CADM2: variants seen among roughly 807,000 people sequenced by gnomAD.
CADM2 encodes the protein immunoglobulin superfamily member 4D.
Under a neutral mutation model 49.8 loss-of-function variants are expected in CADM2, and 12 were observed. The ratio of observed to expected loss-of-function variants is 0.24; its 90% CI spans 0.15 to 0.39. The LOEUF is 0.39. Ranked by LOEUF, CADM2 falls within the 10% of genes least tolerant of loss-of-function variation. CADM2 has a pLI of 1.00. For synonymous variants in CADM2, 214 were observed against 175.4 expected (o/e 1.22, Z -1.74); for missense variants, 378 against 492.3 (o/e 0.77, Z 2.20).
chr3:85,290,228 G>C (rs541851665), intron 1 of CADM2, among the ~76,000 whole-genome samples: 2 of 152,150 alleles, frequency 1.3e-5, no homozygotes, highest in African/African-American at 4.8e-5. Flanking sequence ...GCGCTTTTCC[G>C]ATCGGCTTAA....
chr3:85,531,341 A>G (rs187988641), intron 1 of CADM2, among the ~76,000 whole-genome samples: 8 of 152,254 alleles, frequency 5.3e-5, no homozygotes, highest in Admixed American at 3.3e-4. Flanking sequence ...TTGGGTTGAG[A>G]TGGTGGTTGT....
chr3:85,775,761 G>A lies in CADM2; in HGVS notation c.89-26286G>A, dbSNP rs568545258. On this transcript the variant is annotated intron_variant, in intron 2 of 9. Coordinates refer to ENST00000383699, the MANE Select transcript of CADM2 (RefSeq NM_001167675.2). ...TCTGATACAATAAACTTACTGATAT[G>A]AAAAAGGAATTATACTCTCATTTAT... Among the ~76,000 whole-genome samples the A allele has an allele frequency of 2.6e-5, 4 of 151,868 alleles. No individual in the cohort carries two copies. In the South Asian group the frequency reaches 8.3e-4, roughly 32 times the overall value.
Position 85,412,056 on chromosome 3 carries a change from G to A in CADM2, c.62-314466G>A, listed in dbSNP as rs1425579331. Among the ~76,000 whole-genome samples the A allele has an allele frequency of 3.3e-5, 5 of 152,130 alleles. No individual in the cohort carries two copies. In the East Asian group the frequency reaches 9.6e-4, roughly 29 times the overall value. ...TTGGCCAGACTGGTCTTGAACTCCTGACCTCAAGTGATCTGCCCACACTTT... is the reference window on the plus strand; with the variant it reads ...TTGGCCAGACTGGTCTTGAACTCCTAACCTCAAGTGATCTGCCCACACTTT... On this transcript the variant is annotated intron_variant, in intron 1 of 9. Transcript: ENST00000383699.
At chr3:85,520,215 A>G (rs2061000290) in intron 1 of CADM2, among the ~76,000 whole-genome samples, 1 of 151,918 alleles carries the variant, frequency 6.6e-6, no homozygotes, top group African/African-American at 2.4e-5. Flanking sequence ...TACATATGTA[A>G]TTCACAAGGA....
At chr3:85,372,919 T>C (rs2033355868) in intron 1 of CADM2, among the ~76,000 whole-genome samples, 1 of 152,058 alleles carries the variant, frequency 6.6e-6, no homozygotes, top group African/African-American at 2.4e-5. Flanking sequence ...CATGATTCTA[T>C]TACCTCACAC....
At chr3:85,753,692 A>G (rs1349513399) in intron 2 of CADM2, among the ~76,000 whole-genome samples, 4 of 152,308 alleles carry the variant, frequency 2.6e-5, no homozygotes, top group Admixed American at 2.6e-4. Context: ...GAACTAGAAC[A>G]GGTGAGTACA....
At chr3:85,030,240 C>A (rs1359884567) in intron 1 of CADM2, among the ~76,000 whole-genome samples, 1 of 152,192 alleles carries the variant, frequency 6.6e-6, no homozygotes, top group Non-Finnish European at 1.5e-5. Context: ...GTCACACAAC[C>A]TTTCCTATGT....
chr3:85,095,703 A>G (rs2037769385), intron 1 of CADM2, among the ~76,000 whole-genome samples: 2 of 152,194 alleles, frequency 1.3e-5, no homozygotes, highest in African/African-American at 2.4e-5. Flanking sequence ...GAAAATTCCT[A>G]CTAGAGAAAT....
intron 1 of CADM2, among the ~76,000 whole-genome samples, chr3:85,709,034 C>T (rs1165582362): frequency 2.6e-5 from 4 of 151,624 alleles, no homozygotes; most frequent in African/African-American, 9.7e-5. Context: ...ATAATATTCT[C>T]TTTTAGTCAG....
At chr3:85,540,876 T>G (rs2061522627) in intron 1 of CADM2, among the ~76,000 whole-genome samples, 1 of 152,154 alleles carries the variant, frequency 6.6e-6, no homozygotes, top group Admixed American at 6.6e-5. Flanking sequence ...CTTCCCACTG[T>G]GTCCTCACAT....
chr3:85,065,262 T>G (rs1425970953), intron 1 of CADM2, among the ~76,000 whole-genome samples: 1 of 152,088 alleles, frequency 6.6e-6, no homozygotes, highest in Non-Finnish European at 1.5e-5. Context: ...TAGAATCAAT[T>G]TGACTCTATA....
At chr3:85,665,788 GGCTGTAATATGATTCTC>G (rs1405579467) in intron 1 of CADM2, among the ~76,000 whole-genome samples, 1 of 151,808 alleles carries the variant, frequency 6.6e-6, no homozygotes, top group African/African-American at 2.4e-5. Flanking sequence ...CATTCACACT[GGCTGTAATATGATTCTC>G]CCGTCGTTTC....
At chr3:85,175,989 C>A (rs1576045899) in intron 1 of CADM2, among the ~76,000 whole-genome samples, 1 of 123,866 alleles carries the variant, frequency 8.1e-6, no homozygotes, top group African/African-American at 3.2e-5. Context: ...AGTGCAGTGG[C>A]GGGATCTCGG....
intron 1 of CADM2, among the ~76,000 whole-genome samples, chr3:84,966,163 G>A (rs532021782): frequency 6.6e-6 from 1 of 152,212 alleles, no homozygotes; most frequent in African/African-American, 2.4e-5. Context: ...CATCTTAGAA[G>A]CATGCAGCCT....
intron 1 of CADM2, among the ~76,000 whole-genome samples, chr3:84,966,233 CA>C (rs1443273721): frequency 6.6e-6 from 1 of 151,976 alleles, no homozygotes; most frequent in African/African-American, 2.4e-5. Context: ...ATATTAATGT[CA>C]AAATCAGAGA....
intron 3 of CADM2, among the ~76,000 whole-genome samples, chr3:85,818,676 A>T (rs1485506963): frequency 1.3e-5 from 2 of 152,148 alleles, no homozygotes; most frequent in South Asian, 4.1e-4. Flanking sequence ...CATTCATCAC[A>T]ATATAAATTC....
At chr3:85,153,351 G>A (rs2039993968) in intron 1 of CADM2, among the ~76,000 whole-genome samples, 1 of 152,198 alleles carries the variant, frequency 6.6e-6, no homozygotes, top group Non-Finnish European at 1.5e-5. Context: ...TTGGGTCACT[G>A]CCACCCGAAT....
intron 6 of CADM2, among the ~76,000 whole-genome samples, chr3:85,913,522 T>C (rs1377100207): frequency 6.6e-6 from 1 of 152,162 alleles, no homozygotes; most frequent in Admixed American, 6.5e-5. Context: ...TTGCATTTTG[T>C]TTTCATTTAT....
At chr3:85,361,240 C>A (rs1268579788) in intron 1 of CADM2, among the ~76,000 whole-genome samples, 1 of 152,126 alleles carries the variant, frequency 6.6e-6, no homozygotes, top group Non-Finnish European at 1.5e-5. Context: ...GCAGAGGCAG[C>A]AGCGAGAGAG....
Sources: allele counts gnomAD v4.1 joint callset (sites outside exome capture counted in the v4.1 genomes callset), GRCh38; gene constraint gnomAD v4.1.1; transcripts MANE v1.5; gene names NCBI Gene and HGNC (gene_info 2026-07-23, HGNC 2026-07-21).